Variants in CCSER1 observed in about 807,000 individuals in gnomAD.
CCSER1 encodes serine-rich coiled-coil domain-containing protein 1.
In CCSER1, 41 loss-of-function variants were observed where a neutral mutation model predicts 82.0. The ratio of observed to expected loss-of-function variants is 0.50; its 90% CI spans 0.39 to 0.65. CCSER1 has a LOEUF of 0.65. Ranked by LOEUF, CCSER1 falls within the 30% of genes least tolerant of loss-of-function variation. CCSER1 has a pLI of 0.00. For missense variants in CCSER1, 1,119 were observed against 1,064.2 expected (o/e 1.05, Z -0.72); for synonymous variants, 414 against 383.9 (o/e 1.08, Z -0.92).
intron 10 of CCSER1, among the ~76,000 whole-genome samples, chr4:91,102,672 CAT>C (rs1725198702): frequency 6.6e-6 from 1 of 151,590 alleles, no homozygotes; most frequent in Non-Finnish European, 1.5e-5. Context: ...TGCTTCATCA[CAT>C]ATTTATTTGA....
At chr4:91,039,690 A>G (rs536671808) in intron 9 of CCSER1, among the ~76,000 whole-genome samples, 2 of 139,018 alleles carry the variant, frequency 1.4e-5, no homozygotes, top group South Asian at 4.7e-4. Flanking sequence ...GTATGTATAG[A>G]TCTAAAATGT....
At chr4:90,289,504 A>G (rs1050830488) in intron 1 of CCSER1, among the ~76,000 whole-genome samples, 3 of 151,958 alleles carry the variant, frequency 2.0e-5, no homozygotes, top group South Asian at 2.1e-4. Flanking sequence ...CACATGGAAT[A>G]TAAGAGACCA....
intron 5 of CCSER1, among the ~76,000 whole-genome samples, chr4:90,615,605 C>A (rs1163776939): frequency 6.6e-6 from 1 of 151,832 alleles, no homozygotes; most frequent in African/African-American, 2.4e-5. Flanking sequence ...TAGAAGTGGA[C>A]CCTGAATATG....
intron 4 of CCSER1, among the ~76,000 whole-genome samples, chr4:90,401,129 A>G (rs771721150): frequency 6.6e-6 from 1 of 152,202 alleles, no homozygotes; most frequent in South Asian, 2.1e-4. Context: ...ATTTTCTTAC[A>G]CTCTATTTTA....
chr4:90,348,450 A>C (rs149616513), intron 3 of CCSER1, among the ~76,000 whole-genome samples: 1 of 152,116 alleles, frequency 6.6e-6, no homozygotes, highest in Admixed American at 6.6e-5. Flanking sequence ...TGTATCTTGG[A>C]CATTAACATT....
At chr4:91,383,405 A>G (rs953869884) in intron 10 of CCSER1, among the ~76,000 whole-genome samples, 4 of 152,054 alleles carry the variant, frequency 2.6e-5, no homozygotes, top group East Asian at 1.9e-4. Flanking sequence ...TTAAAACAAT[A>G]TGATAACAAA....
intron 10 of CCSER1, among the ~76,000 whole-genome samples, chr4:91,579,268 G>T (rs1233823870): frequency 6.6e-6 from 1 of 151,410 alleles, no homozygotes; most frequent in Non-Finnish European, 1.5e-5. Context: ...GGGTACATGT[G>T]CATGTTTGTT....
At chr4:90,242,570 G>A (rs1253896008) in intron 1 of CCSER1, among the ~76,000 whole-genome samples, 1 of 152,202 alleles carries the variant, frequency 6.6e-6, no homozygotes, top group Admixed American at 6.5e-5. Flanking sequence ...CATGAACCTA[G>A]TGAACAATGT....
intron 10 of CCSER1, among the ~76,000 whole-genome samples, chr4:91,344,246 G>T (rs1000943675): frequency 6.6e-6 from 1 of 152,104 alleles, no homozygotes. Flanking sequence ...GAAGAATAAG[G>T]CCCCCACTTG....
At chr4:91,140,633 T>G (rs1728935582) in intron 10 of CCSER1, among the ~76,000 whole-genome samples, 1 of 152,156 alleles carries the variant, frequency 6.6e-6, no homozygotes, top group African/African-American at 2.4e-5. Flanking sequence ...TAGTAAAAAT[T>G]AATTACTCAG....
chr4:90,131,328 A>G (rs1253672964), intron 1 of CCSER1, among the ~76,000 whole-genome samples: 2 of 152,244 alleles, frequency 1.3e-5, no homozygotes, highest in Non-Finnish European at 2.9e-5. Context: ...GACAATATGT[A>G]CTTGTATTAC....
At chr4:90,969,027 T>C (rs1351835104) in intron 9 of CCSER1, among the ~76,000 whole-genome samples, 1 of 151,330 alleles carries the variant, frequency 6.6e-6, no homozygotes, top group Admixed American at 6.6e-5. Context: ...GGAATAAAAA[T>C]TGAAATAGTC....
At chr4:90,464,139 A>G (rs1763318917) in intron 4 of CCSER1, among the ~76,000 whole-genome samples, 1 of 152,200 alleles carries the variant, frequency 6.6e-6, no homozygotes, top group Non-Finnish European at 1.5e-5. Flanking sequence ...ATAAAAGGTT[A>G]CATGACAAGG....
chr4:90,912,304 G>A (rs964900107), intron 8 of CCSER1, among the ~76,000 whole-genome samples: 12 of 152,152 alleles, frequency 7.9e-5, no homozygotes, highest in African/African-American at 2.9e-4. Context: ...TCAGAGGAAC[G>A]ATCAGGCAGC....
chr4:90,741,258 T>C (rs1746514308), intron 7 of CCSER1, among the ~76,000 whole-genome samples: 1 of 152,224 alleles, frequency 6.6e-6, no homozygotes, highest in Admixed American at 6.5e-5. Flanking sequence ...ATAACCTCAA[T>C]CTTGGTTTGA....
At chr4:90,773,015 C>T (rs1451337202) in intron 7 of CCSER1, among the ~76,000 whole-genome samples, 4 of 151,966 alleles carry the variant, frequency 2.6e-5, no homozygotes, top group African/African-American at 2.4e-5. Context: ...CCAAGGCGGG[C>T]GGATCACCTG....
intron 1 of CCSER1, among the ~76,000 whole-genome samples, chr4:90,150,847 G>A (rs1311305078): frequency 1.3e-5 from 2 of 152,092 alleles, no homozygotes; most frequent in Non-Finnish European, 2.9e-5. Context: ...GATTCAAGTA[G>A]TTATTATTAG....
At chr4:90,988,848 A>G (rs1561449588) in intron 9 of CCSER1, among the ~76,000 whole-genome samples, 1 of 151,838 alleles carries the variant, frequency 6.6e-6, no homozygotes, top group African/African-American at 2.4e-5. Context: ...AAGATTTGGC[A>G]CACATAAGTG....
At chr4:90,266,363 T>A (rs1327617453) in intron 1 of CCSER1, among the ~76,000 whole-genome samples, 1 of 152,196 alleles carries the variant, frequency 6.6e-6, no homozygotes, top group African/African-American at 2.4e-5. Flanking sequence ...AAATCATTGT[T>A]ACTCTCCAGT....
Sources: allele counts gnomAD v4.1 joint callset (sites outside exome capture counted in the v4.1 genomes callset), GRCh38; gene constraint gnomAD v4.1.1; transcripts MANE v1.5; gene names NCBI Gene and HGNC (gene_info 2026-07-23, HGNC 2026-07-21).